The following TXNDC5 variants were observed in gnomAD, a reference collection of about 807,000 sequenced individuals.
TXNDC5 encodes the protein thioredoxin domain-containing protein 5.
TXNDC5 carries 44 observed loss-of-function variants against 52.6 expected under a neutral mutation model. That is an observed-to-expected ratio of 0.84 (90% confidence interval 0.66 to 1.08). The LOEUF is 1.08. Among genes scored for constraint, TXNDC5 ranks in the 50% least tolerant of loss-of-function variants. TXNDC5 has a pLI of 0.00. For synonymous variants in TXNDC5, 241 were observed against 234.4 expected, an observed-to-expected ratio of 1.03 and a Z score of -0.26; for missense variants, 600 against 565.5, an observed-to-expected ratio of 1.06 and a Z score of -0.62.
chr6:7,901,047 A>C (rs1208654495), intron 2 of TXNDC5, among the ~76,000 whole-genome samples: 1 of 152,184 alleles, frequency 6.6e-6, no homozygotes, highest in Non-Finnish European at 1.5e-5. Flanking sequence ...CCCAGAACCT[A>C]AGATGGTATG....
At chr6:7,910,466 C>A in intron 1 of TXNDC5, 48 bp downstream of exon 1, 1 of 1,361,214 alleles carries the variant, frequency 7.3e-7, no homozygotes, top group South Asian at 1.5e-5. Flanking sequence ...GCCCCACGCC[C>A]CGCGAAGCGC....
At chr6:7,897,803 T>C (rs1337206261) in intron 3 of TXNDC5, among the ~76,000 whole-genome samples, 1 of 152,218 alleles carries the variant, frequency 6.6e-6, no homozygotes, top group Admixed American at 6.5e-5. Context: ...TTGGTGAAAT[T>C]TATTTGAGGC....
At position 7,910,647 on chromosome 6, in the gene TXNDC5, C is replaced by A; in HGVS notation, c.130G>T (p.Ala44Ser). 9.2e-6 allele frequency: 12 copies of A among 1,300,634 alleles called. No individual in the cohort carries two copies. Among genetic ancestry groups the A allele is most frequent in the Non-Finnish European group, 1.2e-5 (12 of 1,003,774 alleles). The allele number at this position is 1,300,634 out of a possible 1,614,324, so 80.6% of individuals were successfully genotyped here. A position where few individuals can be genotyped will look rare whatever the true frequency, so the allele number is the denominator to read the frequency against. ...GCCGCGGGGGGCCCGTCCGCCGCCG[C>A]CGCCGCCGCCTCCTGGGCCCGGGCG... is the stretch of plus-strand genomic sequence containing the variant. ...WGARAQEAAA[A>S]AADGPPAADG... The change falls in exon 1 of 10, where the codon GCG becomes TCG. Residue 44 changes from alanine to serine, a missense_variant. Ala to Ser is a moderately conservative substitution (Grantham distance 99). Transcript: ENST00000379757.
intron 1 of TXNDC5, among the ~76,000 whole-genome samples, chr6:7,910,274 C>T (rs1322195568): frequency 9.6e-5 from 14 of 146,352 alleles, no homozygotes; most frequent in Non-Finnish European, 1.5e-4. Flanking sequence ...GGCGCCCGCG[C>T]CCCCCGCTCC....
At chr6:7,895,541 C>T (rs138018184) in intron 3 of TXNDC5, among the ~76,000 whole-genome samples, 1 of 152,364 alleles carries the variant, frequency 6.6e-6, no homozygotes, top group African/African-American at 2.4e-5. Context: ...ATACCCTGTC[C>T]TCTTCTTTGA....
chr6:7,883,423 C>T (rs978847735), intron 9 of TXNDC5, among the ~76,000 whole-genome samples, 157 bp from the exon 10 acceptor site: 1 of 152,222 alleles, frequency 6.6e-6, no homozygotes, highest in Non-Finnish European at 1.5e-5. Flanking sequence ...GAGCAGACTA[C>T]TGTTTAGAAA....
At chr6:7,897,658 C>T (rs72829240) in intron 3 of TXNDC5, among the ~76,000 whole-genome samples, 1,771 of 152,288 alleles carry the variant, frequency 0.012, 10 homozygotes, top group Non-Finnish European at 0.016. Context: ...TGGACGCAGC[C>T]TCTCAGCCCT....
chr6:7,894,596 A>G (rs1760304337), intron 4 of TXNDC5, among the ~76,000 whole-genome samples: 1 of 152,240 alleles, frequency 6.6e-6, no homozygotes, highest in South Asian at 2.1e-4. Flanking sequence ...TGTTTACACT[A>G]TAGTCTATGA....
intron 1 of TXNDC5, 60 bp downstream of exon 1, chr6:7,910,454 G>T: frequency 2.3e-6 from 3 of 1,297,882 alleles, no homozygotes; most frequent in Non-Finnish European, 3.0e-6. Context: ...CGGCGCCCAA[G>T]CGCCCCACGC....
In TXNDC5 at chr6:7,882,115, G is replaced by A. The variant is rs1759768548; in HGVS notation, c.*1029C>T. Reference sequence around the variant, plus strand: ...GCATCCCATTCTTCATACATTAGAAGGTCGACCTCCTTGAAGCAGACCAAG... The same window carrying A: ...GCATCCCATTCTTCATACATTAGAAAGTCGACCTCCTTGAAGCAGACCAAG... On this transcript the variant is annotated 3_prime_UTR_variant, in exon 10 of 10. Coordinates refer to ENST00000379757, the MANE Select transcript of TXNDC5 (RefSeq NM_030810.5). The A allele has an allele frequency of 6.6e-6, 1 of 152,612 alleles. No individual in the cohort carries two copies. Among genetic ancestry groups the A allele is most frequent in the Admixed American group, 6.5e-5 (1 of 15,282 alleles). 9.5% of individuals were successfully genotyped at this position (152,612 alleles called of 1,614,324 possible).
chr6:7,910,429 G>C, intron 1 of TXNDC5, 85 bp downstream of exon 1: 1 of 1,229,948 alleles, frequency 8.1e-7, no homozygotes, highest in Non-Finnish European at 1.0e-6. Flanking sequence ...ACGTGGCCCC[G>C]GGACCCCCCG....
At chr6:7,891,818 A>T in intron 4 of TXNDC5, 82 bp from the exon 5 acceptor site, 1 of 999,296 alleles carries the variant, frequency 1.0e-6, no homozygotes, top group Non-Finnish European at 1.5e-6. Flanking sequence ...TAATTGAAGA[A>T]TCAGATCTTT....
At chr6:7,894,054 G>C (rs1054116257) in intron 4 of TXNDC5, among the ~76,000 whole-genome samples, 2 of 152,202 alleles carry the variant, frequency 1.3e-5, no homozygotes, top group Middle Eastern at 3.2e-3. Flanking sequence ...GGTATAGAAA[G>C]ATCTTTTAAG....
chr6:7,884,996 G>A (rs1203959094), intron 8 of TXNDC5, among the ~76,000 whole-genome samples: 7 of 152,162 alleles, frequency 4.6e-5, no homozygotes, highest in East Asian at 1.9e-4. Flanking sequence ...CCTTCTACCC[G>A]ACTCTGTTCC....
intron 1 of TXNDC5, 45 bp downstream of exon 1, chr6:7,910,469 C>A: frequency 7.3e-7 from 1 of 1,365,578 alleles, no homozygotes; most frequent in South Asian, 1.5e-5. Context: ...CCACGCCCCG[C>A]GAAGCGCCAA....
At chr6:7,892,186 C>A (rs141267791) in intron 4 of TXNDC5, among the ~76,000 whole-genome samples, 2 of 152,222 alleles carry the variant, frequency 1.3e-5, no homozygotes, top group Non-Finnish European at 2.9e-5. Context: ...CAAAGAGAGA[C>A]AACTGGACGT....
rs373665236 is a variant in TXNDC5 at position 7,894,641 on chromosome 6, TA to T, written c.616+464del. On this transcript the variant is annotated intron_variant, in intron 4 of 9. Coordinates refer to ENST00000379757, the MANE Select transcript of TXNDC5 (RefSeq NM_030810.5). The stretch of plus-strand genomic sequence containing the variant: ...CAGCATTACTTCTTTAAAAACAATG[TA>T]CCTTAATTAAAAAATATTTTATTGC... 9.8e-6 allele frequency: 8 copies of T among 815,540 alleles called. No individual in the cohort carries two copies. In the African/African-American group the frequency reaches 1.5e-4, roughly 15 times the overall value. The allele number at this position is 815,540 out of a possible 1,614,324, so 50.5% of individuals were successfully genotyped here.
chr6:7,910,459 C>A, intron 1 of TXNDC5, 55 bp downstream of exon 1: 1 of 1,349,134 alleles, frequency 7.4e-7, no homozygotes, highest in East Asian at 3.7e-5. Context: ...CCCAAGCGCC[C>A]CACGCCCCGC....
chr6:7,885,392 G>A (rs573608336), intron 8 of TXNDC5, among the ~76,000 whole-genome samples: 31 of 152,260 alleles, frequency 2.0e-4, no homozygotes, highest in African/African-American at 6.5e-4. Context: ...AGTCATTCAC[G>A]GTAAGTCTTA....
Sources: gnomAD v4.1 joint callset for allele counts (sites outside exome capture counted in the v4.1 genomes callset) on GRCh38, gnomAD v4.1.1 for gene constraint, MANE v1.5 for transcripts, NCBI Gene and HGNC (gene_info 2026-07-23, HGNC 2026-07-21) for gene names.